The following GATA4 variants were observed in gnomAD, a reference collection of about 807,000 sequenced individuals.
GATA4 encodes transcription factor GATA-4.
Under a neutral mutation model 37.9 loss-of-function variants are expected in GATA4, and 7 were observed. The ratio of observed to expected loss-of-function variants is 0.18; its 90% confidence interval spans 0.11 to 0.35. GATA4 has a LOEUF of 0.35. Ranked by LOEUF, GATA4 falls within the 10% of genes least tolerant of loss-of-function variation. GATA4 has a pLI of 1.00. For synonymous variants in GATA4, 372 were observed against 292.6 expected (o/e 1.27, Z -2.77); for missense variants, 647 against 653.0 (o/e 0.99, Z 0.10).
At chr8:11,716,789 C>T (rs924189256) in intron 2 of GATA4, among the ~76,000 whole-genome samples, 17 of 152,236 alleles carry the variant, frequency 1.1e-4, no homozygotes, top group African/African-American at 4.1e-4. Context: ...AGTTACCTTC[C>T]TCCAGGGCAA....
chr8:11,725,849 G>A (rs1452901251), intron 2 of GATA4, among the ~76,000 whole-genome samples: 1 of 152,198 alleles, frequency 6.6e-6, no homozygotes, highest in African/African-American at 2.4e-5. Flanking sequence ...GGCGGGAAAG[G>A]GGCCTGGGCC....
chr8:11,680,553 C>T (rs1798925976), intron 1 of GATA4: 3 of 985,342 alleles, frequency 3.0e-6, no homozygotes, highest in Non-Finnish European at 3.6e-6. Flanking sequence ...CCTTCGTGGT[C>T]GCACGCTGGT....
chr8:11,689,131 C>A (rs1413279975), upstream of GATA4, among the ~76,000 whole-genome samples: 4 of 152,206 alleles, frequency 2.6e-5, no homozygotes, highest in African/African-American at 9.7e-5. Flanking sequence ...ACTTCTGGAA[C>A]CTCCCATGGG....
Position 11,737,891 on chromosome 8 carries a change from T to C in GATA4, c.617-11025T>C, listed in dbSNP as rs543344755. ...TATGTATTTTATTTAACATGCAAAA[T>C]AATCATAGGACAGCTATGGTGGCGC... On this transcript the variant is annotated intron_variant, in intron 2 of 6. Coordinates refer to ENST00000532059, the MANE Select transcript of GATA4 (RefSeq NM_001308093.3). 5.3e-5 allele frequency among the ~76,000 whole-genome samples: 8 copies of C among 152,232 alleles called. 1 individual carries two copies. Among genetic ancestry groups the C allele is most frequent in the African/African-American group, 1.9e-4 (8 of 41,534 alleles).
upstream of GATA4, chr8:11,692,062 C>G: frequency 1.0e-6 from 1 of 985,140 alleles, no homozygotes; most frequent in Non-Finnish European, 1.2e-6. Flanking sequence ...ACAGAGGTGG[C>G]CGTGGGTGCT....
chr8:11,694,270 A>T (rs543187205), intron 1 of GATA4, among the ~76,000 whole-genome samples: 1 of 152,194 alleles, frequency 6.6e-6, no homozygotes, highest in Admixed American at 6.5e-5. Context: ...ATAATTCTGG[A>T]TCAGAGGGCT....
chr8:11,700,993 C>T (rs1434421831), upstream of GATA4, among the ~76,000 whole-genome samples: 1 of 152,154 alleles, frequency 6.6e-6, no homozygotes, highest in Non-Finnish European at 1.5e-5. Flanking sequence ...ACTGTGAATT[C>T]CAGCATCCAC....
In GATA4 at chr8:11,745,034, A is replaced by G. The variant is rs545763863; in HGVS notation, c.617-3882A>G. Among the ~76,000 whole-genome samples, 21 of 152,378 alleles carry G rather than the reference A, an allele frequency of 1.4e-4. No homozygotes were observed. The South Asian group carries it at 3.1e-3, about 23-fold the overall frequency. On this transcript the variant is annotated intron_variant, in intron 2 of 6. Coordinates refer to ENST00000532059, the MANE Select transcript of GATA4 (RefSeq NM_001308093.3). ...TTCCCTCCTAGCTCCTGTGACATCT[A>G]TCAGAGTGATTAAATAGCAGATGCT...
rs181243212 is a variant in GATA4 at position 11,682,189 on chromosome 8, G to C, written c.-274+5126G>C. 9.8e-5 allele frequency among the ~76,000 whole-genome samples: 15 copies of C among 152,286 alleles called. No homozygotes were observed. In the East Asian group the frequency reaches 2.5e-3, roughly 25 times the overall value. ...TGACAAGATTGATTCACTCAAAAAC[G>C]ATGCAGAATTTCTTAAATGTAGAAT... On this transcript the variant is annotated intron_variant, in intron 1 of 6. Transcript: ENST00000528712.
upstream of GATA4, among the ~76,000 whole-genome samples, chr8:11,701,247 A>G (rs1799666791): frequency 3.6e-5 from 2 of 56,030 alleles, no homozygotes; most frequent in African/African-American, 8.2e-5. Flanking sequence ...GTTCTTAGAA[A>G]AAAAAAAAAA....
chr8:11,750,452 G>A (rs1278522420), intron 4 of GATA4, among the ~76,000 whole-genome samples: 3 of 152,206 alleles, frequency 2.0e-5, no homozygotes, highest in Non-Finnish European at 4.4e-5. Context: ...ACATTTATAT[G>A]TAGCAGTTTG....
chr8:11,682,414 T>C (rs1799001375), intron 1 of GATA4, among the ~76,000 whole-genome samples: 1 of 152,222 alleles, frequency 6.6e-6, no homozygotes, highest in Admixed American at 6.5e-5. Context: ...TTTTTGTAGA[T>C]AAATAATGAT....
Position 11,758,279 on chromosome 8 carries a change from T to C in GATA4, c.1150-14T>C, listed in dbSNP as rs375827210. The C allele has an allele frequency of 1.8e-5, 29 of 1,614,074 alleles. No individual in the cohort carries two copies. Among genetic ancestry groups the C allele is most frequent in the Non-Finnish European group, 2.3e-5 (27 of 1,180,014 alleles). ...CGTCTCCATGGGCCTCATCGTGTGCTTTCTGCTTTTCAGACGTTCTCAGTC... is the reference window on the plus strand; with the variant it reads ...CGTCTCCATGGGCCTCATCGTGTGCCTTCTGCTTTTCAGACGTTCTCAGTC... On this transcript the variant is annotated splice_polypyrimidine_tract_variant and intron_variant, in intron 6 of 6. Coordinates refer to ENST00000532059, the MANE Select transcript of GATA4 (RefSeq NM_001308093.3).
intron 1 of GATA4, chr8:11,693,037 G>A (rs973651838): frequency 2.7e-5 from 27 of 985,276 alleles, no homozygotes; most frequent in Non-Finnish European, 3.3e-5. Context: ...GCGCCTGCGG[G>A]GCCTCTGCGT....
At chr8:11,732,260 A>G (rs1801246548) in intron 2 of GATA4, among the ~76,000 whole-genome samples, 1 of 152,228 alleles carries the variant, frequency 6.6e-6, no homozygotes, top group South Asian at 2.1e-4. Context: ...ATGTCTGCCA[A>G]GTAAGTGAAA....
chr8:11,697,853 G>C, intron 1 of GATA4: 1 of 985,486 alleles, frequency 1.0e-6, no homozygotes, highest in Non-Finnish European at 1.2e-6. Context: ...GCGGAGGAGG[G>C]AGCGGCCTTT....
At chr8:11,679,375 T>A (rs1015300904) in intron 1 of GATA4, among the ~76,000 whole-genome samples, 8 of 152,266 alleles carry the variant, frequency 5.3e-5, no homozygotes, top group African/African-American at 1.9e-4. Flanking sequence ...GCCGCACGAC[T>A]GTAGGTGGAG....
intron 1 of GATA4, chr8:11,680,434 C>T: frequency 1.0e-6 from 1 of 974,736 alleles, no homozygotes; most frequent in Non-Finnish European, 1.2e-6. Flanking sequence ...AGCTCCCTCT[C>T]ATCGCCTCTC....
chr8:11,726,229 C>G (rs941079893), intron 2 of GATA4, among the ~76,000 whole-genome samples: 2 of 152,194 alleles, frequency 1.3e-5, no homozygotes, highest in African/African-American at 4.8e-5. Flanking sequence ...GGAGCGGAGC[C>G]ATCCTTGTAA....
Sources: allele counts gnomAD v4.1 joint callset (sites outside exome capture counted in the v4.1 genomes callset), GRCh38; gene constraint gnomAD v4.1.1; transcripts MANE v1.5; gene names NCBI Gene and HGNC (gene_info 2026-07-23, HGNC 2026-07-21).